The following TMEM132D variants were observed in gnomAD, a reference collection of about 807,000 sequenced individuals.
TMEM132D encodes mature OL transmembrane protein.
TMEM132D carries 21 observed loss-of-function variants against 62.3 expected under a neutral mutation model. The ratio of observed to expected loss-of-function variants is 0.34; its 90% confidence interval spans 0.24 to 0.49. The LOEUF is 0.49. Ranked by LOEUF, TMEM132D falls within the 20% of genes least tolerant of loss-of-function variation. The pLI, the probability that TMEM132D is intolerant of heterozygous loss-of-function variation, is 0.99. For missense variants in TMEM132D, 1,346 were observed against 1,402.8 expected (o/e 0.96, Z 0.65); for synonymous variants, 621 against 575.6 (o/e 1.08, Z -1.13).
intron 1 of TMEM132D, among the ~76,000 whole-genome samples, chr12:129,704,961 GGAA>G (rs1444184639): frequency 1.3e-5 from 2 of 152,150 alleles, no homozygotes; most frequent in Non-Finnish European, 2.9e-5. Context: ...AGACTGAGAT[GGAA>G]GAAGATCCTG....
intron 2 of TMEM132D, among the ~76,000 whole-genome samples, chr12:129,583,830 T>TAACACACACCAACA (rs1877945485): frequency 6.6e-6 from 1 of 152,196 alleles, no homozygotes; most frequent in African/African-American, 2.4e-5. Context: ...ACCAACACAC[T>TAACACACACCAACA]GAGTGTTTTC....
intron 1 of TMEM132D, among the ~76,000 whole-genome samples, chr12:129,835,038 G>A (rs1056399984): frequency 1.3e-5 from 2 of 152,140 alleles, no homozygotes; most frequent in East Asian, 1.9e-4. Context: ...AACATCAGCC[G>A]TATGCACTAG....
At chr12:129,812,966 T>C (rs1872232036) in intron 1 of TMEM132D, among the ~76,000 whole-genome samples, 1 of 151,808 alleles carries the variant, frequency 6.6e-6, no homozygotes, top group Non-Finnish European at 1.5e-5. Flanking sequence ...GTCACAGAAG[T>C]TTCTGAAATG....
chr12:129,815,694 T>TC (rs201114016), intron 1 of TMEM132D, among the ~76,000 whole-genome samples: 1,647 of 152,266 alleles, frequency 0.011, 23 homozygotes, highest in African/African-American at 0.038. Flanking sequence ...GTCTGAATGC[T>TC]CCCCCGGTTA....
At chr12:129,525,226 G>GTT (rs765569025) in intron 3 of TMEM132D, among the ~76,000 whole-genome samples, 2,188 of 67,360 alleles carry the variant, frequency 0.032, 374 homozygotes, top group East Asian at 0.072. Flanking sequence ...TGCCCAGCCG[G>GTT]TTTTTTTTTT....
chr12:129,738,242 GA>G, intron 1 of TMEM132D, among the ~76,000 whole-genome samples: 1 of 152,268 alleles, frequency 6.6e-6, no homozygotes, highest in African/African-American at 2.4e-5. Context: ...TGAATGGAAT[GA>G]AAATAATCAC....
chr12:129,780,524 A>G (rs1204249765), intron 1 of TMEM132D, among the ~76,000 whole-genome samples: 1 of 152,084 alleles, frequency 6.6e-6, no homozygotes, highest in African/African-American at 2.4e-5. Flanking sequence ...GGCAGCTGTC[A>G]CTTCCAGCCA....
At chr12:129,134,649 G>T (rs2135526914) in intron 5 of TMEM132D, among the ~76,000 whole-genome samples, 1 of 152,248 alleles carries the variant, frequency 6.6e-6, no homozygotes, top group South Asian at 2.1e-4. Context: ...AGATCCAAGA[G>T]AACAATTTGT....
intron 1 of TMEM132D, among the ~76,000 whole-genome samples, chr12:129,740,039 C>A (rs1303797237): frequency 1.3e-5 from 2 of 152,130 alleles, no homozygotes; most frequent in Non-Finnish European, 2.9e-5. Flanking sequence ...CATGGACTGG[C>A]CCCTCTCCTA....
At chr12:129,402,780 G>C (rs1871660171) in intron 3 of TMEM132D, among the ~76,000 whole-genome samples, 1 of 152,032 alleles carries the variant, frequency 6.6e-6, no homozygotes, top group African/African-American at 2.4e-5. Flanking sequence ...GGGGTCTGGT[G>C]GGACAGCCAC....
chr12:129,725,727 A>G (rs1360792217), intron 1 of TMEM132D, among the ~76,000 whole-genome samples: 1 of 152,214 alleles, frequency 6.6e-6, no homozygotes, highest in Non-Finnish European at 1.5e-5. Context: ...GAGAACCACT[A>G]TTTTATTTCC....
intron 5 of TMEM132D, among the ~76,000 whole-genome samples, chr12:129,100,904 A>G (rs1332867723): frequency 6.6e-6 from 1 of 152,252 alleles, no homozygotes; most frequent in East Asian, 1.9e-4. Flanking sequence ...TGAGGAAAGG[A>G]CAGCTGTCTG....
chr12:129,271,861 C>T (rs1880861527), intron 4 of TMEM132D, among the ~76,000 whole-genome samples: 1 of 151,856 alleles, frequency 6.6e-6, no homozygotes, highest in Non-Finnish European at 1.5e-5. Flanking sequence ...AACAGTGCTG[C>T]AATAAACATA....
chr12:129,101,170 G>C (rs1216184512), intron 5 of TMEM132D, among the ~76,000 whole-genome samples: 1 of 152,198 alleles, frequency 6.6e-6, no homozygotes, highest in Non-Finnish European at 1.5e-5. Flanking sequence ...TCTAAGCTCT[G>C]TGGTGCCAGT....
intron 1 of TMEM132D, among the ~76,000 whole-genome samples, chr12:129,838,953 C>CTT (rs576777558): frequency 0.023 from 3,025 of 133,182 alleles, 132 homozygotes; most frequent in African/African-American, 0.077. Flanking sequence ...ACTTAAAACT[C>CTT]TTTTTTTTTT....
chr12:129,284,984 A>G (rs954670125), intron 4 of TMEM132D, among the ~76,000 whole-genome samples: 3 of 152,194 alleles, frequency 2.0e-5, no homozygotes, highest in Non-Finnish European at 4.4e-5. Context: ...CTTTGGAGAG[A>G]GATGTTTGCA....
intron 4 of TMEM132D, among the ~76,000 whole-genome samples, chr12:129,225,679 G>C (rs967108094): frequency 2.0e-5 from 3 of 152,150 alleles, no homozygotes; most frequent in South Asian, 2.1e-4. Flanking sequence ...TGTAAATAAG[G>C]CTGCTTATTA....
intron 5 of TMEM132D, among the ~76,000 whole-genome samples, chr12:129,131,858 G>C (rs941226993): frequency 2.0e-5 from 3 of 152,102 alleles, no homozygotes; most frequent in Admixed American, 6.5e-5. Context: ...TGTGCTCTTG[G>C]AGACATTAAT....
rs577697827 is a variant in TMEM132D at position 129,903,470 on chromosome 12, C to T, written c.-131G>A. 1.9e-3 allele frequency: 1,793 copies of T among 935,668 alleles called. 2 individuals are homozygous for T. Among genetic ancestry groups the T allele is most frequent in the Middle Eastern group, 6.9e-3 (21 of 3,044 alleles). 58.0% of individuals were successfully genotyped at this position (935,668 alleles called of 1,614,324 possible). ...CGCCCGGCTAGGGGCCCGAGCAGCCCGGGCGCCCTGCTCCCTCTTCCCGCC... is the reference window on the plus strand; with the variant it reads ...CGCCCGGCTAGGGGCCCGAGCAGCCTGGGCGCCCTGCTCCCTCTTCCCGCC... On this transcript the variant is annotated 5_prime_UTR_variant, in exon 1 of 9. Coordinates refer to ENST00000422113, the MANE Select transcript of TMEM132D (RefSeq NM_133448.3). This position sits in a 1 kb window ranked among gnomAD's most constrained non-coding sequence, Gnocchi z 6.2.
Sources: allele counts gnomAD v4.1 joint callset (sites outside exome capture counted in the v4.1 genomes callset), GRCh38; gene constraint gnomAD v4.1.1; non-coding constraint Gnocchi (gnomAD v3.1); transcripts MANE v1.5; gene names NCBI Gene and HGNC (gene_info 2026-07-23, HGNC 2026-07-21).